CELF1: variants seen among roughly 807,000 people sequenced by gnomAD.
CELF1 encodes the protein CUGBP Elav-like family member 1, also known as 50 kDa nuclear polyadenylated RNA-binding protein.
In CELF1, 10 loss-of-function variants were observed where a neutral mutation model predicts 61.8. The observed-to-expected ratio is 0.16, with a 90% CI of 0.10 to 0.27. The LOEUF (loss-of-function observed/expected upper bound fraction) is 0.27. Among genes scored for constraint, CELF1 ranks in the 10% least tolerant of loss-of-function variants. CELF1 has a pLI of 1.00. For synonymous variants in CELF1, 236 were observed against 225.1 expected (o/e 1.05, Z -0.43); for missense variants, 380 against 639.1 (o/e 0.59, Z 4.37).
chr11:47,554,714 T>G (rs1178775378), upstream of CELF1, among the ~76,000 whole-genome samples: 10 of 150,860 alleles, frequency 6.6e-5, no homozygotes, highest in African/African-American at 2.4e-4. Context: ...CAGGCTGGAG[T>G]GCAGTGGCGC....
chr11:47,518,468 G>A (rs1401090870), intron 1 of CELF1, among the ~76,000 whole-genome samples: 1 of 152,206 alleles, frequency 6.6e-6, no homozygotes, highest in Non-Finnish European at 1.5e-5. Context: ...CTTTTGGCTT[G>A]TATCTCAAAA....
intron 1 of CELF1, among the ~76,000 whole-genome samples, chr11:47,535,477 G>A (rs1446852189): frequency 6.6e-6 from 1 of 151,758 alleles, no homozygotes; most frequent in Non-Finnish European, 1.5e-5. Flanking sequence ...TCAGGAGTTC[G>A]AGACCAGCCT....
chr11:47,560,962 C>T (rs1192865016), intron 2 of CELF1, among the ~76,000 whole-genome samples: 1 of 148,972 alleles, frequency 6.7e-6, no homozygotes, highest in Admixed American at 6.7e-5. Context: ...TATGGTGAAA[C>T]CCCGTCTCTA....
intron 1 of CELF1, among the ~76,000 whole-genome samples, chr11:47,550,742 G>A (rs113853793): frequency 0.016 from 2,422 of 151,888 alleles, 51 homozygotes; most frequent in African/African-American, 0.048. Flanking sequence ...ATACACGGAA[G>A]TCTTTAGAAA....
intron 1 of CELF1, among the ~76,000 whole-genome samples, chr11:47,501,782 C>T (rs1030289556): frequency 1.3e-5 from 2 of 152,114 alleles, no homozygotes; most frequent in African/African-American, 2.4e-5. Context: ...GAGATCACGC[C>T]ACTGCACTCC....
At chr11:47,513,943 C>G (rs1220773913) in intron 1 of CELF1, 1 of 74,536 alleles carries the variant, frequency 1.3e-5, no homozygotes, top group East Asian at 4.1e-4. Context: ...TTTTTTTTTC[C>G]CCCCAGATGG....
intron 2 of CELF1, among the ~76,000 whole-genome samples, chr11:47,558,585 ATAT>A (rs1565921603): frequency 9.8e-6 from 1 of 101,682 alleles, no homozygotes; most frequent in African/African-American, 4.1e-5. Flanking sequence ...ATATATATAT[ATAT>A]TTATATTATA....
intron 2 of CELF1, among the ~76,000 whole-genome samples, chr11:47,562,804 A>T (rs924469199): frequency 6.6e-6 from 1 of 151,808 alleles, no homozygotes; most frequent in Non-Finnish European, 1.5e-5. Context: ...TCCTGGGTTC[A>T]AGTGATTCTC....
chr11:47,489,936 T>TTTTTTTTTTTTTTTTG lies in CELF1; in HGVS notation c.72-913_72-912insCAAAAAAAAAAAAAAA, dbSNP rs2090375834. On this transcript the variant is annotated intron_variant, in intron 3 of 14. Transcript: ENST00000687097. ...TTTCCACTCAGAACATACCATCTTG[T>TTTTTTTTTTTTTTTTG]TTTTTTTTTTTTTTTTTTTGAGACG... Among the ~76,000 whole-genome samples, 2 of 66,256 alleles carry TTTTTTTTTTTTTTTTG rather than the reference T, an allele frequency of 3.0e-5. 1 individual carries two copies. Among genetic ancestry groups the TTTTTTTTTTTTTTTTG allele is most frequent in the South Asian group, 1.1e-3 (2 of 1,772 alleles). The allele number at this position is 66,256 out of a possible 152,430, so 43.5% of individuals were successfully genotyped here. A position where few individuals can be genotyped will look rare whatever the true frequency, so the allele number is the denominator to read the frequency against.
intron 2 of CELF1, among the ~76,000 whole-genome samples, chr11:47,563,821 G>C (rs542179707): frequency 1.3e-5 from 2 of 152,202 alleles, no homozygotes; most frequent in African/African-American, 4.8e-5. Context: ...AGGACTTTGA[G>C]ACCAGTCTGG....
At chr11:47,501,920 T>C (rs2093955683) in intron 1 of CELF1, among the ~76,000 whole-genome samples, 1 of 152,176 alleles carries the variant, frequency 6.6e-6, no homozygotes, top group African/African-American at 2.4e-5. Context: ...TAAAAACATA[T>C]GAAATCTAAT....
chr11:47,476,711 C>A (rs1468247038), intron 12 of CELF1, 135 bp downstream of exon 12: 14 of 686,148 alleles, frequency 2.0e-5, no homozygotes, highest in Non-Finnish European at 3.5e-5. Flanking sequence ...GAGGTGTGAG[C>A]CACCACACCT....
chr11:47,486,814 A>G lies in CELF1; in HGVS notation c.343-16T>C. On this transcript the variant is annotated splice_polypyrimidine_tract_variant and intron_variant, in intron 5 of 14. Coordinates refer to ENST00000687097, the MANE Select transcript of CELF1 (RefSeq NM_001376376.1). ...GGTGATGCATCTGAAAAGGAAAAAT[A>G]TGATTATTATCACTGTATATATTGA... The G allele has an allele frequency of 6.3e-7, 1 of 1,581,304 alleles. No individual in the cohort carries two copies. Among genetic ancestry groups the G allele is most frequent in the Non-Finnish European group, 8.7e-7 (1 of 1,150,110 alleles).
chr11:47,482,733 G>A lies in CELF1; in HGVS notation c.730C>T (p.Leu244Phe). Residue 244 changes from leucine to phenylalanine, a missense_variant, in exon 9 of 15, where the codon CTT (leucine) becomes TTT (phenylalanine). Leu to Phe is a conservative substitution (Grantham distance 22). Transcript: ENST00000687097. ...GGTCCAAGAGTATTTAGACCAGCAA[G>A]GTTTCCCCACACAGATGCTGCGCTG... is the stretch of plus-strand genomic sequence containing the variant. Reference protein sequence around the residue: ...QISAASVWGNLAGLNTLGPQY... With the variant: ...QISAASVWGNFAGLNTLGPQY... The A allele has an allele frequency of 6.2e-7, 1 of 1,614,110 alleles. No homozygotes were observed. Among genetic ancestry groups the A allele is most frequent in the Non-Finnish European group, 8.5e-7 (1 of 1,180,006 alleles).
chr11:47,523,186 A>T (rs1325455487), intron 1 of CELF1: 2 of 152,212 alleles, frequency 1.3e-5, no homozygotes, highest in Non-Finnish European at 2.9e-5. Flanking sequence ...TATAAATTTT[A>T]AAAAAGGCCA....
intron 1 of CELF1, among the ~76,000 whole-genome samples, chr11:47,505,864 G>A (rs945857320): frequency 1.3e-5 from 2 of 149,648 alleles, no homozygotes; most frequent in Non-Finnish European, 3.0e-5. Flanking sequence ...GAACCCAGGA[G>A]GCAGAGGCTG....
rs539814385 is a variant in CELF1, at chr11:47,538,536, G to A, written c.-154+14456C>T. On this transcript the variant is annotated intron_variant, in intron 1 of 14. Transcript: ENST00000687097. ...TGGGCACCTGTACTCCCAGCTACTCGGGAGGCTGAGGCAGGAGAATGGCGT... is the reference window on the plus strand; with the variant it reads ...TGGGCACCTGTACTCCCAGCTACTCAGGAGGCTGAGGCAGGAGAATGGCGT... 5.3e-5 allele frequency among the ~76,000 whole-genome samples: 8 copies of A among 151,788 alleles called. No homozygotes were observed. In the East Asian group the frequency reaches 1.2e-3, roughly 22 times the overall value.
At chr11:47,498,598 G>A (rs1199498199) in intron 3 of CELF1, among the ~76,000 whole-genome samples, 1 of 152,126 alleles carries the variant, frequency 6.6e-6, no homozygotes, top group East Asian at 1.9e-4. Flanking sequence ...TAATATTCTT[G>A]GCTTTGAATA....
intron 12 of CELF1, among the ~76,000 whole-genome samples, chr11:47,476,486 C>T (rs1401790196): frequency 7.2e-5 from 11 of 151,968 alleles, no homozygotes; most frequent in South Asian, 2.1e-4. Flanking sequence ...AGTGCAGTGG[C>T]GCAATCTTGG....
Sources: allele counts gnomAD v4.1 joint callset (sites outside exome capture counted in the v4.1 genomes callset), GRCh38; gene constraint gnomAD v4.1.1; transcripts MANE v1.5; gene names NCBI Gene and HGNC (gene_info 2026-07-23, HGNC 2026-07-21).